MS4A2: variants seen among roughly 807,000 people sequenced by gnomAD.
The protein encoded by MS4A2 is high affinity immunoglobulin epsilon receptor subunit beta.
In MS4A2, 26 loss-of-function variants were observed where a neutral mutation model predicts 27.9. That is an observed-to-expected ratio of 0.93 (90% CI 0.68 to 1.29). The LOEUF is 1.29. Ranked by LOEUF, MS4A2 falls within the 50% of genes most tolerant of loss-of-function variation. MS4A2 has a pLI of 0.00. For missense variants in MS4A2, 284 were observed against 284.6 expected, an observed-to-expected ratio of 1.00 and a Z score of 0.01; for synonymous variants, 110 against 98.8, an observed-to-expected ratio of 1.11 and a Z score of -0.67.
Position 60,090,334 on chromosome 11 carries a change from AG to A in MS4A2, c.187del, listed in dbSNP as rs1214654486. The A allele has an allele frequency of 6.2e-7, 1 of 1,612,362 alleles. No individual in the cohort carries two copies. Among genetic ancestry groups the A allele is most frequent in the Admixed American group, 1.7e-5 (1 of 59,994 alleles). On this transcript the variant is annotated splice_acceptor_variant, in intron 2 of 6. Transcript: ENST00000278888. LOFTEE classifies it high-confidence loss of function. ...TCATGAAATTCATGTGTTTTTCTAT[AG>A]GTAACACAAATTCTGACTGCTATGA...
intron 3 of MS4A2, among the ~76,000 whole-genome samples, chr11:60,091,512 A>G (rs1855757697): frequency 6.6e-6 from 1 of 152,188 alleles, no homozygotes; most frequent in Admixed American, 6.5e-5. Flanking sequence ...GTATCTTTGT[A>G]ACTCTTTCTT....
chr11:60,094,522 C>T (rs1855831279), intron 6 of MS4A2, among the ~76,000 whole-genome samples: 1 of 152,232 alleles, frequency 6.6e-6, no homozygotes, highest in South Asian at 2.1e-4. Context: ...ACTTGCCTCA[C>T]CCGTCCATTA....
rs1245361110 is a variant in MS4A2, at chr11:60,097,022, C to T, written c.*1366C>T. 1 of 151,898 alleles carries T rather than the reference C, an allele frequency of 6.6e-6. No homozygotes were observed. Among genetic ancestry groups the T allele is most frequent in the Non-Finnish European group, 1.5e-5 (1 of 68,016 alleles). 9.4% of individuals were successfully genotyped at this position (151,898 alleles called of 1,614,324 possible). A position where few individuals can be genotyped will look rare whatever the true frequency, so the allele number is the denominator to read the frequency against. Reference sequence around the variant, plus strand: ...CAAAGGGAAATGCAGCCATAGAGGGCCTGATGACATCCAATACAGAGTTCT... The same window carrying T: ...CAAAGGGAAATGCAGCCATAGAGGGTCTGATGACATCCAATACAGAGTTCT... On this transcript the variant is annotated 3_prime_UTR_variant, in exon 7 of 7. Coordinates refer to ENST00000278888, the MANE Select transcript of MS4A2 (RefSeq NM_000139.5).
At chr11:60,089,615 C>T in intron 1 of MS4A2, 77 bp from the exon 2 acceptor site, 3 of 1,583,312 alleles carry the variant, frequency 1.9e-6, no homozygotes, top group Non-Finnish European at 2.6e-6. Context: ...AACAAAACTC[C>T]CCTTTCTGTC....
chr11:60,093,671 G>C (rs1855812757), intron 5 of MS4A2, 113 bp downstream of exon 5: 1 of 1,409,498 alleles, frequency 7.1e-7, no homozygotes, highest in Admixed American at 1.8e-5. Flanking sequence ...CTATTACACA[G>C]TATAGTGGTT....
intron 4 of MS4A2, 113 bp downstream of exon 4, chr11:60,092,961 ATATGATTT>A: frequency 1.9e-6 from 2 of 1,067,202 alleles, no homozygotes; most frequent in South Asian, 2.7e-5. Context: ...GAATGTGGAT[ATATGATTT>A]TGTTTCAATC....
intron 3 of MS4A2, among the ~76,000 whole-genome samples, chr11:60,091,624 C>A (rs1425762284): frequency 6.6e-6 from 1 of 152,164 alleles, no homozygotes; most frequent in Non-Finnish European, 1.5e-5. Context: ...TAAGTATGTT[C>A]TCTTTACTGT....
At chr11:60,090,250 C>A in intron 2 of MS4A2, 86 bp from the exon 3 acceptor site, 1 of 1,365,444 alleles carries the variant, frequency 7.3e-7, no homozygotes, top group African/African-American at 1.4e-5. Flanking sequence ...AACGCAGTTT[C>A]TCATGTTTGG....
intron 5 of MS4A2, 163 bp downstream of exon 5, chr11:60,093,721 C>T: frequency 9.4e-7 from 1 of 1,061,900 alleles, no homozygotes; most frequent in East Asian, 2.6e-5. Flanking sequence ...TGGCTGCCCA[C>T]TCCCCTCAAC....
chr11:60,094,090 G>A (rs1372421074), intron 6 of MS4A2, 28 bp downstream of exon 6: 2 of 1,471,848 alleles, frequency 1.4e-6, no homozygotes, highest in Non-Finnish European at 1.9e-6. Flanking sequence ...ATAAAATCTT[G>A]AATGACAGGT....
rs1855902320 is a variant in MS4A2, at chr11:60,098,249, T to C, written c.*2593T>C. ...CAATGCTGGGGTTCTCTTCACACTATCACTGCCCCAAATTGTCTTTCTAAA... is the reference window on the plus strand; with the variant it reads ...CAATGCTGGGGTTCTCTTCACACTACCACTGCCCCAAATTGTCTTTCTAAA... On this transcript the variant is annotated 3_prime_UTR_variant, in exon 7 of 7. Coordinates refer to ENST00000278888, the MANE Select transcript of MS4A2 (RefSeq NM_000139.5). 6.6e-6 allele frequency: 1 copy of C among 152,200 alleles called. No homozygotes were observed. Among genetic ancestry groups the C allele is most frequent in the Non-Finnish European group, 1.5e-5 (1 of 68,040 alleles). The allele number at this position is 152,200 out of a possible 1,614,324, so 9.4% of individuals were successfully genotyped here.
chr11:60,093,680 T>C, intron 5 of MS4A2, 122 bp downstream of exon 5: 1 of 1,360,912 alleles, frequency 7.3e-7, no homozygotes, highest in Non-Finnish European at 1.0e-6. Context: ...AGTATAGTGG[T>C]TCTGTAAGTT....
chr11:60,090,302 T>C (rs1590630923), intron 2 of MS4A2, 34 bp from the exon 3 acceptor site: 2 of 1,608,206 alleles, frequency 1.2e-6, no homozygotes, highest in Non-Finnish European at 8.5e-7. Context: ...GAAAATTTTT[T>C]TGATTTTCAT....
At chr11:60,092,674 T>C in intron 3 of MS4A2, 118 bp from the exon 4 acceptor site, 1 of 838,108 alleles carries the variant, frequency 1.2e-6, no homozygotes, top group South Asian at 1.5e-5. Context: ...ACAGGTGACA[T>C]TAATAAGTAA....
intron 6 of MS4A2, among the ~76,000 whole-genome samples, chr11:60,095,136 C>T (rs1028013858): frequency 6.6e-6 from 1 of 152,108 alleles, no homozygotes; most frequent in Non-Finnish European, 1.5e-5. Flanking sequence ...GGGGCACACA[C>T]CTGTAATTTC....
In MS4A2 at chr11:60,098,326, T is replaced by A. The variant is rs975123921; in HGVS notation, c.*2670T>A. 1 of 152,184 alleles carries A rather than the reference T, an allele frequency of 6.6e-6. No homozygotes were observed. Among genetic ancestry groups the A allele is most frequent in the Non-Finnish European group, 1.5e-5 (1 of 68,034 alleles). The allele number at this position is 152,184 out of a possible 1,614,324, so 9.4% of individuals were successfully genotyped here. ...TGAAGACCACTGAATGAACACCTTT[T>A]CATCCAGCCTTAATTTCTTGCTCCA... On this transcript the variant is annotated 3_prime_UTR_variant, in exon 7 of 7. Coordinates refer to ENST00000278888, the MANE Select transcript of MS4A2 (RefSeq NM_000139.5).
chr11:60,089,841 C>A lies in MS4A2; in HGVS notation c.186+20C>A. The A allele has an allele frequency of 6.2e-7, 1 of 1,613,726 alleles. No homozygotes were observed. The highest frequency in any genetic ancestry group is 8.5e-7 in the Non-Finnish European group (1 of 1,179,936). ...CTGGGGGTGAGTGAGCCTCCTCCAA[C>A]TTTGACTAGAGTAAGGGTTGGGTCT... On this transcript the variant is annotated intron_variant, in intron 2 of 6. Coordinates refer to ENST00000278888, the MANE Select transcript of MS4A2 (RefSeq NM_000139.5).
At position 60,095,749 on chromosome 11, in the gene MS4A2, C is replaced by A; in HGVS notation, c.*93C>A. ...CTACTGGAAAAATTTCTATTCTCTC[C>A]ACAGCCTGCTGGTTTTACATTAGAT... On this transcript the variant is annotated 3_prime_UTR_variant, in exon 7 of 7. Coordinates refer to ENST00000278888, the MANE Select transcript of MS4A2 (RefSeq NM_000139.5). 1.3e-6 allele frequency: 1 copy of A among 792,420 alleles called. No individual in the cohort carries two copies. Among genetic ancestry groups the A allele is most frequent in the South Asian group, 1.4e-5 (1 of 70,964 alleles). 49.1% of individuals were successfully genotyped at this position (792,420 alleles called of 1,614,324 possible). A position where few individuals can be genotyped will look rare whatever the true frequency, so the allele number is the denominator to read the frequency against.
chr11:60,093,974 T>C lies in MS4A2; in HGVS notation c.548T>C (p.Val183Ala), dbSNP rs780115587. The change falls in exon 6 of 7, where the codon GTG becomes GCG. Residue 183 changes from valine (V) to alanine (A), a missense_variant. By Grantham distance (64) the Val-to-Ala change is moderately conservative (BLOSUM62 0). Coordinates refer to ENST00000278888, the MANE Select transcript of MS4A2 (RefSeq NM_000139.5). ...FMASFSTEIV[V>A]MMLFLTILGL... ...GTTGCTGTTCAATAGGAAATTGTAG[T>C]GATGATGCTGTTTCTCACCATTCTG... The C allele has an allele frequency of 6.2e-7, 1 of 1,613,050 alleles. No homozygotes were observed. Among genetic ancestry groups the C allele is most frequent in the Non-Finnish European group, 8.5e-7 (1 of 1,179,030 alleles).
Sources: allele counts gnomAD v4.1 joint callset (sites outside exome capture counted in the v4.1 genomes callset), GRCh38; gene constraint gnomAD v4.1.1; transcripts MANE v1.5; gene names NCBI Gene and HGNC (gene_info 2026-07-23, HGNC 2026-07-21).